ADAM22: variants seen among roughly 807,000 people sequenced by gnomAD.
The protein encoded by ADAM22 is disintegrin and metalloproteinase domain-containing protein 22.
Under a neutral mutation model 144.6 loss-of-function variants are expected in ADAM22, and 65 were observed. The observed-to-expected ratio is 0.45, with a 90% CI of 0.37 to 0.55. The LOEUF (loss-of-function observed/expected upper bound fraction) is 0.55. Ranked by LOEUF, ADAM22 falls within the 20% of genes least tolerant of loss-of-function variation. The pLI, the probability that ADAM22 is intolerant of heterozygous loss-of-function variation, is 0.00. For synonymous variants in ADAM22, 391 were observed against 412.6 expected (o/e 0.95, Z 0.63); for missense variants, 974 against 1,184.9 (o/e 0.82, Z 2.61).
At position 88,193,146 on chromosome 7, in the gene ADAM22, A is replaced by G. The variant is rs1849976908; in HGVS notation, c.2781A>G (p.Ser927=). 9 of 1,614,102 alleles carry G rather than the reference A, an allele frequency of 5.6e-6. No homozygotes were observed. Among genetic ancestry groups the G allele is most frequent in the Non-Finnish European group, 7.6e-6 (9 of 1,179,970 alleles). The part of the protein sequence containing the change: ...RTLSPAKSPS[S]STGSIASSRK... ...TATCTCCTGCCAAGTCTCCTTCTTC[A>G]TCAACTGGGTCTATTGCCTCCAGCA... The change falls in exon 31 of 32, where the codon TCA becomes TCG. Residue 927 remains serine, a synonymous_variant. Transcript: ENST00000413139.
intron 3 of ADAM22, among the ~76,000 whole-genome samples, chr7:88,039,464 A>AAAAAAAAAAAAAAAATATATAT: frequency 5.2e-5 from 4 of 76,374 alleles, no homozygotes; most frequent in African/African-American, 9.5e-5. Context: ...AAAAAAAAAA[A>AAAAAAAAAAAAAAAATATATAT]ATATATATAT....
intron 15 of ADAM22, 44 bp from the exon 16 acceptor site, chr7:88,145,081 T>C: frequency 1.3e-6 from 2 of 1,578,746 alleles, no homozygotes; most frequent in Non-Finnish European, 1.7e-6. Context: ...GTCTTTGATG[T>C]TGATTTTTCT....
intron 18 of ADAM22, among the ~76,000 whole-genome samples, chr7:88,150,706 G>A (rs1838090067): frequency 6.6e-6 from 1 of 152,064 alleles, no homozygotes; most frequent in African/African-American, 2.4e-5. Flanking sequence ...GTAATCAACT[G>A]TTTTTGCCTC....
chr7:88,107,023 T>C (rs1201386130), intron 4 of ADAM22, among the ~76,000 whole-genome samples: 1 of 152,078 alleles, frequency 6.6e-6, no homozygotes, highest in African/African-American at 2.4e-5. Context: ...TTAAAGCCAT[T>C]GCTGGTTTCA....
intron 20 of ADAM22, among the ~76,000 whole-genome samples, chr7:88,152,782 G>T (rs188961831): frequency 2.0e-5 from 3 of 152,032 alleles, no homozygotes; most frequent in African/African-American, 7.2e-5. Context: ...GGGTTCAAGC[G>T]ATTTCCCTGC....
Position 88,196,039 on chromosome 7 carries a change from T to C in ADAM22, c.2875-432T>C, listed in dbSNP as rs147264428. On this transcript the variant is annotated intron_variant, in intron 31 of 31. Coordinates refer to ENST00000413139, the MANE Select transcript of ADAM22 (RefSeq NM_001324418.2). ...TTGGTCTGGTGTGGTGCCTGGGAAG[T>C]GGAATTGTAGAAACCTCCCCAGATT... is the stretch of plus-strand genomic sequence containing the variant. Among the ~76,000 whole-genome samples the C allele has an allele frequency of 6.7e-3, 1,017 of 152,200 alleles. 21 individuals carry two copies. Among genetic ancestry groups the C allele is most frequent in the African/African-American group, 0.023 (960 of 41,522 alleles).
intron 7 of ADAM22, among the ~76,000 whole-genome samples, chr7:88,123,960 G>A (rs1269811035): frequency 4.0e-5 from 6 of 150,108 alleles, no homozygotes; most frequent in Non-Finnish European, 5.9e-5. Context: ...TAATAGAATT[G>A]CAATAAGAGA....
At chr7:87,987,741 G>T (rs778888058) in intron 3 of ADAM22, among the ~76,000 whole-genome samples, 1 of 152,176 alleles carries the variant, frequency 6.6e-6, no homozygotes, top group South Asian at 2.1e-4. Flanking sequence ...TATAAGGTGC[G>T]TGCTTACTCC....
chr7:88,004,743 G>C (rs892185883), intron 3 of ADAM22, among the ~76,000 whole-genome samples: 29 of 152,232 alleles, frequency 1.9e-4, no homozygotes, highest in Middle Eastern at 3.4e-3. Flanking sequence ...CTGTCATAAT[G>C]CACTCTAAGA....
chr7:88,033,444 A>T lies in ADAM22; in HGVS notation c.324-42182A>T, dbSNP rs970296813. Among the ~76,000 whole-genome samples the T allele has an allele frequency of 2.0e-5, 3 of 152,226 alleles. No homozygotes were observed. The East Asian group carries it at 5.8e-4, about 29-fold the overall frequency. On this transcript the variant is annotated intron_variant, in intron 3 of 31. Coordinates refer to ENST00000413139, the MANE Select transcript of ADAM22 (RefSeq NM_001324418.2). ...CTGCCTGGGGCTGAGTGTCGGGGTG[A>T]CACAATCACCCATGTGGCCACCATC...
Position 88,200,309 on chromosome 7 carries a change from ATTATTTTACT to A in ADAM22, c.*3830_*3839del, listed in dbSNP as rs1301486401. 5 of 152,212 alleles carry A rather than the reference ATTATTTTACT, an allele frequency of 3.3e-5. No homozygotes were observed. Among genetic ancestry groups the A allele is most frequent in the Admixed American group, 6.5e-5 (1 of 15,280 alleles). 9.4% of individuals were successfully genotyped at this position (152,212 alleles called of 1,614,324 possible). On this transcript the variant is annotated 3_prime_UTR_variant, in exon 32 of 32. Coordinates refer to ENST00000413139, the MANE Select transcript of ADAM22 (RefSeq NM_001324418.2). Reference sequence around the variant, plus strand: ...TAATAAATTCTTATCTAAAGAAAAGATTATTTTACTTTATTTTACTTAAAGGAAAGAGAAT... The same window carrying A: ...TAATAAATTCTTATCTAAAGAAAAGATTATTTTACTTAAAGGAAAGAGAAT...
chr7:88,011,180 T>C (rs1313735671), intron 3 of ADAM22, among the ~76,000 whole-genome samples: 2 of 152,142 alleles, frequency 1.3e-5, no homozygotes, highest in Non-Finnish European at 2.9e-5. Flanking sequence ...ACTGTTAATG[T>C]TTACACTAAA....
At chr7:87,942,399 GA>G (rs1842651838) in intron 2 of ADAM22, among the ~76,000 whole-genome samples, 1 of 152,106 alleles carries the variant, frequency 6.6e-6, no homozygotes, top group Admixed American at 6.5e-5. Context: ...GCTGATAGGG[GA>G]TTTGAACCTA....
chr7:88,042,315 TTGTAGGG>T (rs1243669680), intron 3 of ADAM22, among the ~76,000 whole-genome samples: 2 of 152,030 alleles, frequency 1.3e-5, no homozygotes, highest in Non-Finnish European at 2.9e-5. Context: ...CTAGAGCATC[TTGTAGGG>T]AGGAAAAATG....
At chr7:88,126,229 A>G (rs1830363806) in intron 8 of ADAM22, among the ~76,000 whole-genome samples, 1 of 152,048 alleles carries the variant, frequency 6.6e-6, no homozygotes, top group Non-Finnish European at 1.5e-5. Flanking sequence ...CTGAAAGAAA[A>G]ATGATGACTC....
At chr7:88,110,712 C>T (rs1448507703) in intron 5 of ADAM22, among the ~76,000 whole-genome samples, 1 of 141,386 alleles carries the variant, frequency 7.1e-6, no homozygotes, top group Non-Finnish European at 1.5e-5. Flanking sequence ...TTCATTCATT[C>T]GTTCATTTGT....
At chr7:88,149,304 T>C (rs1837628726) in intron 18 of ADAM22, among the ~76,000 whole-genome samples, 1 of 152,154 alleles carries the variant, frequency 6.6e-6, no homozygotes, top group East Asian at 1.9e-4. Flanking sequence ...TTGTATTAAG[T>C]AGGTAGTACA....
intron 26 of ADAM22, among the ~76,000 whole-genome samples, chr7:88,178,432 G>A (rs1268668618): frequency 1.3e-5 from 2 of 151,972 alleles, no homozygotes; most frequent in African/African-American, 2.4e-5. Context: ...AACTCTAATA[G>A]TGATTTATTT....
chr7:88,080,106 T>TC (rs775173729), intron 4 of ADAM22, among the ~76,000 whole-genome samples: 7 of 152,012 alleles, frequency 4.6e-5, no homozygotes, highest in Non-Finnish European at 1.0e-4. Context: ...AGTAAAGCAC[T>TC]CTCAGCAAAT....
Sources: gnomAD v4.1 joint callset for allele counts (sites outside exome capture counted in the v4.1 genomes callset) on GRCh38, gnomAD v4.1.1 for gene constraint, MANE v1.5 for transcripts, NCBI Gene and HGNC (gene_info 2026-07-23, HGNC 2026-07-21) for gene names.